The following SMARCE1 variants were observed in gnomAD, a reference collection of about 807,000 sequenced individuals.
SMARCE1 encodes the protein SWI/SNF-related matrix-associated actin-dependent regulator of chromatin subfamily E member 1.
In SMARCE1, 13 loss-of-function variants were observed where a neutral mutation model predicts 54.9. The ratio of observed to expected loss-of-function variants is 0.24; its 90% CI spans 0.15 to 0.38. SMARCE1 has a LOEUF of 0.38. Among genes scored for constraint, SMARCE1 ranks in the 10% least tolerant of loss-of-function variants. SMARCE1 has a pLI of 1.00. For missense variants in SMARCE1, 295 were observed against 523.8 expected (o/e 0.56, Z 4.26); for synonymous variants, 151 against 175.3 (o/e 0.86, Z 1.10).
At chr17:40,641,687 T>C (rs1383348222) in intron 4 of SMARCE1, 2 of 152,196 alleles carry the variant, frequency 1.3e-5, no homozygotes, top group African/African-American at 4.8e-5. Flanking sequence ...TTATTGGCAT[T>C]TTTTGGTGCT....
Position 40,632,309 on chromosome 17 carries a change from G to C in SMARCE1, c.600C>G (p.His200Gln). 1 of 1,614,048 alleles carries C rather than the reference G, an allele frequency of 6.2e-7. No homozygotes were observed. Residue 200 changes from histidine (H) to glutamine (Q), a missense_variant, in exon 8 of 11, where the codon CAC becomes CAG. By Grantham distance (24) the His-to-Gln change is conservative. Coordinates refer to ENST00000348513, the MANE Select transcript of SMARCE1 (RefSeq NM_003079.5). ...HTATARFQRN[H>Q]RLISEILSES... ...CACTAAGAATTTCACTGATGAGGCG[G>C]TGGTTTCTCTGGAAACGGGCGGTGG...
chr17:40,645,674 C>G (rs2037248232), intron 2 of SMARCE1, 55 bp from the exon 3 acceptor site: 2 of 1,281,160 alleles, frequency 1.6e-6, no homozygotes, highest in Admixed American at 2.8e-5. Flanking sequence ...TAATACTATG[C>G]AACAAAACTA....
chr17:40,637,747 G>A (rs962406786), intron 4 of SMARCE1, 175 bp from the exon 5 acceptor site: 1 of 591,024 alleles, frequency 1.7e-6, no homozygotes, highest in Non-Finnish European at 3.0e-6. Flanking sequence ...ATGACTTTAA[G>A]CACATAATTT....
chr17:40,630,684 C>T (rs756296316), intron 10 of SMARCE1, 30 bp downstream of exon 10: 6 of 1,577,088 alleles, frequency 3.8e-6, no homozygotes, highest in African/African-American at 1.3e-5. Flanking sequence ...AGTCTTGGCA[C>T]TGCCTCTGCG....
intron 4 of SMARCE1, among the ~76,000 whole-genome samples, chr17:40,638,562 C>T (rs1364743656): frequency 6.6e-6 from 1 of 151,938 alleles, no homozygotes; most frequent in Admixed American, 6.6e-5. Flanking sequence ...TCTGGTAGAC[C>T]ACCCAGATAA....
intron 5 of SMARCE1, chr17:40,637,207 T>C (rs2037155155): frequency 2.4e-6 from 1 of 409,396 alleles, no homozygotes; most frequent in African/African-American, 2.0e-5. Context: ...CTCCTTCACT[T>C]AACATTTTCC....
rs2037028900 is a variant in SMARCE1 at position 40,625,764 on chromosome 17, T to C, written c.*3021A>G. 6.6e-6 allele frequency: 1 copy of C among 152,238 alleles called. No homozygotes were observed. The highest frequency in any genetic ancestry group is 6.5e-5 in the Admixed American group (1 of 15,290). The allele number at this position is 152,238 out of a possible 1,614,324, so 9.4% of individuals were successfully genotyped here. A position where few individuals can be genotyped will look rare whatever the true frequency, so the allele number is the denominator to read the frequency against. Reference sequence around the variant, plus strand: ...TTTAAAATATAGTCCAAGTATTTTATCTTTTCCATAGGGCATTGACATTAT... The same window carrying C: ...TTTAAAATATAGTCCAAGTATTTTACCTTTTCCATAGGGCATTGACATTAT... On this transcript the variant is annotated 3_prime_UTR_variant, in exon 11 of 11. Coordinates refer to ENST00000348513, the MANE Select transcript of SMARCE1 (RefSeq NM_003079.5).
chr17:40,646,678 G>C (rs1010271843), intron 1 of SMARCE1, among the ~76,000 whole-genome samples: 4 of 152,182 alleles, frequency 2.6e-5, no homozygotes, highest in Admixed American at 2.6e-4. Context: ...ATGTGAGCTT[G>C]TTCTTTACAT....
chr17:40,641,528 A>C (rs2144007272), intron 4 of SMARCE1: 1 of 152,322 alleles, frequency 6.6e-6, no homozygotes, highest in South Asian at 2.1e-4. Flanking sequence ...CATTAATAGA[A>C]GGCACTTGTT....
At chr17:40,645,751 G>T (rs749278272) in intron 2 of SMARCE1, 45 bp downstream of exon 2, 2 of 1,094,582 alleles carry the variant, frequency 1.8e-6, no homozygotes, top group South Asian at 3.9e-5. Context: ...TAGGGCATTA[G>T]TCTCTTATTA....
intron 5 of SMARCE1, 179 bp downstream of exon 5, chr17:40,637,313 T>C (rs2037156339): frequency 1.6e-6 from 1 of 638,162 alleles, no homozygotes; most frequent in Non-Finnish European, 2.9e-6. Context: ...ACGCTCCTCT[T>C]GTTGGATTTT....
At chr17:40,646,805 G>A (rs760447817) in intron 1 of SMARCE1, among the ~76,000 whole-genome samples, 1 of 152,202 alleles carries the variant, frequency 6.6e-6, no homozygotes, top group Non-Finnish European at 1.5e-5. Flanking sequence ...GAATAGATCT[G>A]ATTTTTCGCT....
Position 40,627,368 on chromosome 17 carries a change from G to C in SMARCE1, c.*1417C>G, listed in dbSNP as rs1375911036. ...ACAGAGTCCTCTCCATATAGGCACA[G>C]GACTTAACATTTATCATTTAGCCAT... On this transcript the variant is annotated 3_prime_UTR_variant, in exon 11 of 11. Coordinates refer to ENST00000348513, the MANE Select transcript of SMARCE1 (RefSeq NM_003079.5). 1.3e-5 allele frequency: 2 copies of C among 152,174 alleles called. No individual in the cohort carries two copies. Among genetic ancestry groups the C allele is most frequent in the Admixed American group, 6.5e-5 (1 of 15,284 alleles). The allele number at this position is 152,174 out of a possible 1,614,324, so 9.4% of individuals were successfully genotyped here.
Position 40,627,317 on chromosome 17 carries a change from A to C in SMARCE1, c.*1468T>G, listed in dbSNP as rs1567844141. On this transcript the variant is annotated 3_prime_UTR_variant, in exon 11 of 11. Coordinates refer to ENST00000348513, the MANE Select transcript of SMARCE1 (RefSeq NM_003079.5). Reference sequence around the variant, plus strand: ...TGTGCTATGAACTGAATAGCAGTGAATCCACTTAAATTAACTCATGCTGGT... The same window carrying C: ...TGTGCTATGAACTGAATAGCAGTGACTCCACTTAAATTAACTCATGCTGGT... 2.0e-5 allele frequency: 3 copies of C among 152,224 alleles called. No homozygotes were observed. Among genetic ancestry groups the C allele is most frequent in the Non-Finnish European group, 2.9e-5 (2 of 68,048 alleles). The allele number at this position is 152,224 out of a possible 1,614,324, so 9.4% of individuals were successfully genotyped here.
rs148666451 is a variant in SMARCE1 at position 40,628,920 on chromosome 17, C to T, written c.1101G>A (p.Lys367=). ...TGTCGACCCCCTCCTGCCCACTCTC[C>T]TTGTCCTCAGGAGTAGACGTGCCTT... The part of the protein sequence containing the change: ...GEEGTSTPED[K]ESGQEGVDSM... The change falls in exon 11 of 11, where the codon AAG becomes AAA. Residue 367 remains lysine, a synonymous_variant. Transcript: ENST00000348513. 1.2e-4 allele frequency: 191 copies of T among 1,613,850 alleles called. 2 individuals are homozygous for T. In the African/African-American group the frequency reaches 2.3e-3, roughly 19 times the overall value.
intron 4 of SMARCE1, 67 bp from the exon 5 acceptor site, chr17:40,637,639 T>G: frequency 7.8e-7 from 1 of 1,288,730 alleles, no homozygotes; most frequent in Non-Finnish European, 1.1e-6. Context: ...GAAAAGAGAG[T>G]CCCTTAAAAA....
intron 4 of SMARCE1, among the ~76,000 whole-genome samples, chr17:40,638,918 T>C (rs538017556): frequency 6.6e-6 from 1 of 152,168 alleles, no homozygotes; most frequent in African/African-American, 2.4e-5. Context: ...GCTCAGGGAT[T>C]AGCATGTTTG....
rs1196428916 is a variant in SMARCE1, at chr17:40,626,266, C to T, written c.*2519G>A. On this transcript the variant is annotated 3_prime_UTR_variant, in exon 11 of 11. Transcript: ENST00000348513. The stretch of plus-strand genomic sequence containing the variant: ...GGTGACTATCGAGGATTCCCCTCTC[C>T]CATTTGTTAAAAAAAATTAACAAAA... 1 of 151,960 alleles carries T rather than the reference C, an allele frequency of 6.6e-6. No homozygotes were observed. Among genetic ancestry groups the T allele is most frequent in the Non-Finnish European group, 1.5e-5 (1 of 67,990 alleles). The allele number at this position is 151,960 out of a possible 1,614,324, so 9.4% of individuals were successfully genotyped here. A position where few individuals can be genotyped will look rare whatever the true frequency, so the allele number is the denominator to read the frequency against.
At chr17:40,643,084 T>C (rs530783426) in intron 3 of SMARCE1, 19 of 152,422 alleles carry the variant, frequency 1.2e-4, no homozygotes, top group African/African-American at 4.1e-4. Flanking sequence ...AATCATTTTA[T>C]ATAATGTGAG....
Sources: allele counts gnomAD v4.1 joint callset (sites outside exome capture counted in the v4.1 genomes callset), GRCh38; gene constraint gnomAD v4.1.1; transcripts MANE v1.5; gene names NCBI Gene and HGNC (gene_info 2026-07-23, HGNC 2026-07-21).